HPSE2: variants seen among roughly 807,000 people sequenced by gnomAD.
The protein encoded by HPSE2 is heparanase 2 (inactive).
HPSE2 carries 38 observed loss-of-function variants against 60.5 expected under a neutral mutation model. That is an observed-to-expected ratio of 0.63 (90% CI 0.48 to 0.82). The LOEUF is 0.82. HPSE2 is among the 40% of genes least tolerant of loss of function. HPSE2 has a pLI of 0.00. For missense variants in HPSE2, 713 were observed against 740.4 expected (o/e 0.96, Z 0.43); for synonymous variants, 295 against 293.2 (o/e 1.01, Z -0.06).
chr10:99,098,108 C>G (rs1464372538), intron 3 of HPSE2, among the ~76,000 whole-genome samples: 1 of 152,184 alleles, frequency 6.6e-6, no homozygotes, highest in Non-Finnish European at 1.5e-5. Context: ...AAAGTCTATA[C>G]AGTTAGTCCT....
In HPSE2 at chr10:98,980,525, T is replaced by C. The variant is rs113918694; in HGVS notation, c.610+163713A>G. ...AAGTGACATACAGAAAACAGAAGTGTAGTACAGGAACATCTGGATTGGTTA... is the reference window on the plus strand; with the variant it reads ...AAGTGACATACAGAAAACAGAAGTGCAGTACAGGAACATCTGGATTGGTTA... On this transcript the variant is annotated intron_variant, in intron 3 of 11. Coordinates refer to ENST00000370552, the MANE Select transcript of HPSE2 (RefSeq NM_021828.5). Among the ~76,000 whole-genome samples, 338 of 152,224 alleles carry C rather than the reference T, an allele frequency of 2.2e-3. 2 individuals are homozygous for C. Among genetic ancestry groups the C allele is most frequent in the African/African-American group, 7.9e-3 (330 of 41,558 alleles).
At chr10:98,648,471 G>C (rs1398445652) in intron 6 of HPSE2, among the ~76,000 whole-genome samples, 1 of 152,144 alleles carries the variant, frequency 6.6e-6, no homozygotes, top group African/African-American at 2.4e-5. Flanking sequence ...CCCTCTTTAA[G>C]AGGAGGAAAT....
At chr10:98,511,932 A>T (rs1334544720) in intron 9 of HPSE2, among the ~76,000 whole-genome samples, 1 of 152,224 alleles carries the variant, frequency 6.6e-6, no homozygotes, top group Admixed American at 6.5e-5. Context: ...TCCTTCCTGA[A>T]GCCTGTTGTG....
At chr10:98,465,598 G>A (rs1468789055) in intron 11 of HPSE2, among the ~76,000 whole-genome samples, 1 of 152,178 alleles carries the variant, frequency 6.6e-6, no homozygotes, top group Non-Finnish European at 1.5e-5. Context: ...GGCTAAGCTA[G>A]GTCTCAAATT....
rs1949717014 is a variant in HPSE2 at position 98,749,944 on chromosome 10, A to ATG, written c.611-5889_611-5888insCA. Reference sequence around the variant, plus strand: ...TATATTAAACACTATATATATATATATATACACACACACTTACACACACAT... The same window carrying ATG: ...TATATTAAACACTATATATATATATATGTATACACACACACTTACACACACAT... On this transcript the variant is annotated intron_variant, in intron 3 of 11. Transcript: ENST00000370552. Among the ~76,000 whole-genome samples the ATG allele has an allele frequency of 2.2e-5, 2 of 91,936 alleles. 1 individual carries two copies. The highest frequency in any genetic ancestry group is 6.9e-5 in the African/African-American group (2 of 29,092). The allele number at this position is 91,936 out of a possible 152,430, so 60.3% of individuals were successfully genotyped here. A position where few individuals can be genotyped will look rare whatever the true frequency, so the allele number is the denominator to read the frequency against.
intron 7 of HPSE2, among the ~76,000 whole-genome samples, chr10:98,628,238 A>G (rs1946269681): frequency 6.6e-6 from 1 of 152,154 alleles, no homozygotes; most frequent in Non-Finnish European, 1.5e-5. Flanking sequence ...CATGTAGTGG[A>G]GGTACAGACA....
chr10:98,603,431 G>GTTTTTT (rs1466185307), intron 9 of HPSE2, among the ~76,000 whole-genome samples: 16 of 26,796 alleles, frequency 6.0e-4, no homozygotes, highest in Non-Finnish European at 2.6e-3. Context: ...AGAGCACTCT[G>GTTTTTT]TTTTTTTGTT....
At chr10:99,047,240 T>G (rs907590105) in intron 3 of HPSE2, among the ~76,000 whole-genome samples, 5 of 152,050 alleles carry the variant, frequency 3.3e-5, no homozygotes, top group African/African-American at 1.2e-4. Flanking sequence ...CCTATTTGAT[T>G]AATGGTGCTG....
At chr10:99,161,933 A>G (rs929353847) in intron 2 of HPSE2, among the ~76,000 whole-genome samples, 4 of 152,238 alleles carry the variant, frequency 2.6e-5, no homozygotes, top group African/African-American at 7.2e-5. Context: ...CCCAGGCACA[A>G]AAAGATAAAT....
chr10:99,042,543 C>G (rs920690504), intron 3 of HPSE2, among the ~76,000 whole-genome samples: 11 of 152,016 alleles, frequency 7.2e-5, no homozygotes, highest in African/African-American at 2.7e-4. Flanking sequence ...GAGTGCTGAG[C>G]CAAGATCTAT....
chr10:98,875,695 T>C (rs549700737), intron 3 of HPSE2, among the ~76,000 whole-genome samples: 9 of 152,170 alleles, frequency 5.9e-5, no homozygotes, highest in African/African-American at 2.2e-4. Context: ...AACATCATCC[T>C]GATGCCAAAA....
At chr10:98,987,993 TA>T (rs1956413293) in intron 3 of HPSE2, among the ~76,000 whole-genome samples, 1 of 151,700 alleles carries the variant, frequency 6.6e-6, no homozygotes, top group African/African-American at 2.4e-5. Context: ...TGAAATAAAA[TA>T]GGATACAAAC....
intron 3 of HPSE2, among the ~76,000 whole-genome samples, chr10:98,908,989 T>C (rs1370581751): frequency 6.6e-6 from 1 of 152,158 alleles, no homozygotes; most frequent in Non-Finnish European, 1.5e-5. Flanking sequence ...GTGGGAATGG[T>C]ATAGGGCAAC....
At chr10:98,600,917 A>ATGTG (rs10682909) in intron 9 of HPSE2, among the ~76,000 whole-genome samples, 5,910 of 48,006 alleles carry the variant, frequency 0.12, 371 homozygotes, top group Non-Finnish European at 0.29. Context: ...GTGTGTATAT[A>ATGTG]TATATATATA....
In HPSE2 at chr10:98,626,034, A is replaced by C. The variant is rs569340625; in HGVS notation, c.1099-5326T>G. 2.7e-5 allele frequency among the ~76,000 whole-genome samples: 4 copies of C among 150,502 alleles called. No homozygotes were observed. In the East Asian group the frequency reaches 7.9e-4, roughly 30 times the overall value. On this transcript the variant is annotated intron_variant, in intron 7 of 11. Transcript: ENST00000370552. ...GGCGGAAGAACTGCGTGAACCTGGG[A>C]GGAGGAGCTTGCAGTGAGCCGAGAT...
At chr10:99,072,574 G>A (rs890338100) in intron 3 of HPSE2, among the ~76,000 whole-genome samples, 2 of 152,090 alleles carry the variant, frequency 1.3e-5, no homozygotes, top group Non-Finnish European at 2.9e-5. Context: ...CTGATCATTA[G>A]AGAAATGCAA....
At chr10:99,026,784 A>G (rs1957387578) in intron 3 of HPSE2, among the ~76,000 whole-genome samples, 1 of 152,232 alleles carries the variant, frequency 6.6e-6, no homozygotes, top group Non-Finnish European at 1.5e-5. Flanking sequence ...CCCTGACCAC[A>G]ATAGAATAAA....
intron 3 of HPSE2, chr10:99,013,325 T>C: frequency 1.6e-6 from 1 of 616,906 alleles, no homozygotes; most frequent in Non-Finnish European, 3.1e-6. Flanking sequence ...TTTTATAGAG[T>C]TCTCTAGTTA....
chr10:98,803,520 A>C (rs1950967491), intron 3 of HPSE2, among the ~76,000 whole-genome samples: 1 of 152,084 alleles, frequency 6.6e-6, no homozygotes, highest in Non-Finnish European at 1.5e-5. Context: ...GAAGGGATCC[A>C]GTTTCAGCTT....
Sources: gnomAD v4.1 joint callset for allele counts (sites outside exome capture counted in the v4.1 genomes callset) on GRCh38, gnomAD v4.1.1 for gene constraint, MANE v1.5 for transcripts, NCBI Gene and HGNC (gene_info 2026-07-23, HGNC 2026-07-21) for gene names.